The following XYLB variants were observed in gnomAD, a reference collection of about 807,000 sequenced individuals.
The protein encoded by XYLB is xylulose kinase.
In XYLB, 62 loss-of-function variants were observed where a neutral mutation model predicts 78.7. The observed-to-expected ratio is 0.79, with a 90% CI of 0.64 to 0.97. The LOEUF is 0.97. XYLB is among the 50% of genes least tolerant of loss of function. The pLI is 0.00. For missense variants in XYLB, 687 were observed against 676.8 expected (o/e 1.02, Z -0.17); for synonymous variants, 245 against 247.4 (o/e 0.99, Z 0.09).
chr3:38,400,888 T>C lies in XYLB; in HGVS notation c.1439-3T>C. ...CTAATGTGAAGTGACCTTTCCCTTC[T>C]AGGTCTTGCAGGTGGAACAGATGTG... On this transcript the variant is annotated splice_polypyrimidine_tract_variant and splice_region_variant and intron_variant, in intron 17 of 18. Transcript: ENST00000207870. The C allele has an allele frequency of 1.2e-6, 2 of 1,613,658 alleles. No individual in the cohort carries two copies. The highest frequency in any genetic ancestry group is 2.2e-5 in the South Asian group (2 of 90,938).
chr3:38,411,268 A>G (rs1196225655), intron 18 of XYLB, among the ~76,000 whole-genome samples: 1 of 152,250 alleles, frequency 6.6e-6, no homozygotes, highest in African/African-American at 2.4e-5. Context: ...TTCTCTGTAA[A>G]CTATCGCAAG....
rs1311830760 is a variant in XYLB at position 38,379,319 on chromosome 3, C to T, written c.1268C>T (p.Ala423Val). 1.2e-6 allele frequency: 2 copies of T among 1,614,086 alleles called. No homozygotes were observed. The highest frequency in any genetic ancestry group is 1.3e-5 in the African/African-American group (1 of 75,016). ...CAATTCATGGCCAAGAGGATTCACG[C>T]AGAAGGCCTGGGCTATCGAGTCAGT... ...EGQFMAKRIH[A>V]EGLGYRVMSK... The change falls in exon 15 of 19, where the codon GCA becomes GTA. Residue 423 changes from alanine (A) to valine (V), a missense_variant. Ala to Val is a moderately conservative substitution (Grantham distance 64). Transcript: ENST00000207870.
At chr3:38,357,890 TTTATTA>T (rs1316413863) in intron 2 of XYLB, among the ~76,000 whole-genome samples, 9 of 125,012 alleles carry the variant, frequency 7.2e-5, no homozygotes, top group African/African-American at 2.6e-4. Context: ...TTATTTCTCT[TTTATTA>T]TTGAGTTGTA....
At chr3:38,383,206 C>T (rs537140398) in intron 15 of XYLB, among the ~76,000 whole-genome samples, 62 of 152,194 alleles carry the variant, frequency 4.1e-4, no homozygotes, top group Non-Finnish European at 8.7e-4. Context: ...ACTTCACAAC[C>T]GAGGAAACCA....
intron 1 of XYLB, 75 bp from the exon 2 acceptor site, chr3:38,348,475 G>C: frequency 7.0e-7 from 1 of 1,430,000 alleles, no homozygotes; most frequent in East Asian, 2.3e-5. Context: ...GCCTCATCTG[G>C]TGACGTTAGT....
chr3:38,409,490 CCT>C (rs1306960374), intron 18 of XYLB, among the ~76,000 whole-genome samples: 1 of 152,072 alleles, frequency 6.6e-6, no homozygotes, highest in African/African-American at 2.4e-5. Flanking sequence ...ACAGGGATGC[CCT>C]CTCTCACCAC....
At chr3:38,358,796 A>C (rs1283388015) in intron 2 of XYLB, among the ~76,000 whole-genome samples, 3 of 152,206 alleles carry the variant, frequency 2.0e-5, no homozygotes, top group African/African-American at 7.2e-5. Flanking sequence ...TATCTTTTTA[A>C]AAAATCCATA....
the XYLB span, among the ~76,000 whole-genome samples, chr3:38,435,254 C>T: frequency 6.6e-6 from 1 of 152,000 alleles, no homozygotes; most frequent in Non-Finnish European, 1.5e-5. Context: ...TCCATACAAA[C>T]AGAAACCAAA....
intron 18 of XYLB, among the ~76,000 whole-genome samples, chr3:38,402,450 C>A (rs1209263308): frequency 6.6e-6 from 1 of 152,202 alleles, no homozygotes; most frequent in African/African-American, 2.4e-5. Flanking sequence ...CTAGAGCAGA[C>A]AAACCACACA....
chr3:38,408,000 C>A (rs1290728649), intron 18 of XYLB, among the ~76,000 whole-genome samples: 1 of 151,966 alleles, frequency 6.6e-6, no homozygotes, highest in Admixed American at 6.6e-5. Context: ...ACAAGGATAC[C>A]CAGAAATTGA....
At chr3:38,422,941 C>A (rs1436188521), downstream of XYLB, among the ~76,000 whole-genome samples, 1 of 152,016 alleles carries the variant, frequency 6.6e-6, no homozygotes, top group Non-Finnish European at 1.5e-5. Flanking sequence ...AACAAGTAAG[C>A]CAATTTGGAT....
At chr3:38,412,134 G>C (rs1178996730) in intron 18 of XYLB, among the ~76,000 whole-genome samples, 2 of 152,004 alleles carry the variant, frequency 1.3e-5, no homozygotes, top group African/African-American at 2.4e-5. Context: ...GGGATTACAG[G>C]CACCTGCCAC....
chr3:38,420,666 A>G (rs928125663), downstream of XYLB, among the ~76,000 whole-genome samples: 3 of 152,158 alleles, frequency 2.0e-5, no homozygotes, highest in African/African-American at 7.2e-5. Flanking sequence ...ATGGCCCTTC[A>G]GATTTTGTAC....
At position 38,348,563 on chromosome 3, in the gene XYLB, C is replaced by T. The variant is rs78669311; in HGVS notation, c.71C>T (p.Ala24Val). 2.4e-4 allele frequency: 387 copies of T among 1,614,104 alleles called. No individual in the cohort carries two copies. Among genetic ancestry groups the T allele is most frequent in the Non-Finnish European group, 3.1e-4 (369 of 1,180,016 alleles). Residue 24 changes from alanine to valine, a missense_variant, in exon 2 of 19, where the codon GCT becomes GTT. By Grantham distance (64) the Ala-to-Val change is moderately conservative. Transcript: ENST00000207870. ...AATGCCTTTCAGGTAAAGGTTGTTG[C>T]TGTTGATGCAGAGTTGAATGTCTTC... ...DFSTQQVKVV[A>V]VDAELNVFYE...
intron 15 of XYLB, among the ~76,000 whole-genome samples, chr3:38,388,105 G>A (rs1707464061): frequency 6.7e-6 from 1 of 149,728 alleles, no homozygotes; most frequent in African/African-American, 2.5e-5. Flanking sequence ...AATAGCTAAT[G>A]TTTACCTGCA....
the XYLB span, among the ~76,000 whole-genome samples, chr3:38,441,564 AG>A: frequency 6.6e-6 from 1 of 152,172 alleles, no homozygotes; most frequent in Non-Finnish European, 1.5e-5. Flanking sequence ...AGCAGGGTTG[AG>A]GGCTGCACAC....
chr3:38,381,041 C>T (rs1707119146), intron 15 of XYLB, among the ~76,000 whole-genome samples: 1 of 152,176 alleles, frequency 6.6e-6, no homozygotes, highest in Non-Finnish European at 1.5e-5. Context: ...GAGGCCGAGG[C>T]AGGTGGATTG....
chr3:38,431,198 C>T, the XYLB span, among the ~76,000 whole-genome samples: 35 of 152,108 alleles, frequency 2.3e-4, no homozygotes, highest in Non-Finnish European at 2.9e-5. Flanking sequence ...ATGGAATGTT[C>T]TTCCATTTGT....
intron 7 of XYLB, among the ~76,000 whole-genome samples, chr3:38,367,251 G>A (rs820292): frequency 0.81 from 123,154 of 152,084 alleles, 52,684 homozygotes; most frequent in Non-Finnish European, 0.94. Context: ...TAGAGTCAGT[G>A]TTTTCTTTGG....
Sources: allele counts gnomAD v4.1 joint callset (sites outside exome capture counted in the v4.1 genomes callset), GRCh38; gene constraint gnomAD v4.1.1; transcripts MANE v1.5; gene names NCBI Gene and HGNC (gene_info 2026-07-23, HGNC 2026-07-21).